SH3PXD2A: variants seen among roughly 807,000 people sequenced by gnomAD.
SH3PXD2A encodes the protein SH3 and PX domains 2A, also known as SH3 and PX domain-containing protein 2A.
SH3PXD2A carries 32 observed loss-of-function variants against 115.2 expected under a neutral mutation model. The observed-to-expected ratio is 0.28, with a 90% CI of 0.21 to 0.37. The LOEUF (loss-of-function observed/expected upper bound fraction) is 0.37. Ranked by LOEUF, SH3PXD2A falls within the 10% of genes least tolerant of loss-of-function variation. The pLI is 1.00. For missense variants in SH3PXD2A, 1,328 were observed against 1,498.7 expected (o/e 0.89, Z 1.88); for synonymous variants, 610 against 629.1 (o/e 0.97, Z 0.45).
At chr10:103,794,877 A>T (rs1297293552) in intron 2 of SH3PXD2A, among the ~76,000 whole-genome samples, 1 of 152,226 alleles carries the variant, frequency 6.6e-6, no homozygotes, top group African/African-American at 2.4e-5. Flanking sequence ...AAGTGTTTGG[A>T]ATAGCCGCTG....
At chr10:103,644,534 C>G (rs1354877281) in intron 8 of SH3PXD2A, among the ~76,000 whole-genome samples, 2 of 144,582 alleles carry the variant, frequency 1.4e-5, no homozygotes, top group African/African-American at 5.2e-5. Flanking sequence ...TGCAATGAGC[C>G]GTGATCATGC....
chr10:103,678,906 A>T (rs2037574221), intron 6 of SH3PXD2A, among the ~76,000 whole-genome samples: 1 of 152,200 alleles, frequency 6.6e-6, no homozygotes, highest in South Asian at 2.1e-4. Context: ...AAACTTCAAT[A>T]ATTTTATTGA....
At chr10:103,650,247 C>T (rs998319263) in intron 8 of SH3PXD2A, among the ~76,000 whole-genome samples, 3 of 152,118 alleles carry the variant, frequency 2.0e-5, no homozygotes, top group Non-Finnish European at 4.4e-5. Context: ...TGGCACCTGC[C>T]GCATCACTCC....
At chr10:103,674,573 G>A (rs1366339846) in intron 6 of SH3PXD2A, among the ~76,000 whole-genome samples, 2 of 152,226 alleles carry the variant, frequency 1.3e-5, no homozygotes, top group Non-Finnish European at 2.9e-5. Context: ...TGTAATCCTA[G>A]TGCTTTGGGA....
At chr10:103,667,410 A>G (rs1044813632) in intron 7 of SH3PXD2A, among the ~76,000 whole-genome samples, 5 of 152,070 alleles carry the variant, frequency 3.3e-5, no homozygotes, top group African/African-American at 1.2e-4. Context: ...CCTCCGCTAT[A>G]CGTTTGGTGA....
chr10:103,785,765 G>A (rs895567127), intron 2 of SH3PXD2A, among the ~76,000 whole-genome samples: 34 of 152,064 alleles, frequency 2.2e-4, no homozygotes, highest in African/African-American at 8.0e-4. Flanking sequence ...ATCCCAGCAG[G>A]AGACTCCCAT....
intron 1 of SH3PXD2A, among the ~76,000 whole-genome samples, chr10:103,825,611 A>G (rs533126569): frequency 1.3e-5 from 2 of 152,166 alleles, no homozygotes; most frequent in South Asian, 2.1e-4. Context: ...CATCCAAGTC[A>G]CTGACCAACA....
intron 4 of SH3PXD2A, among the ~76,000 whole-genome samples, chr10:103,725,863 TAAATA>T (rs1166979298): frequency 2.6e-5 from 4 of 151,298 alleles, no homozygotes; most frequent in African/African-American, 7.3e-5. Context: ...AAAATAAAAA[TAAATA>T]AAATAAAATA....
At chr10:103,671,347 GA>G (rs2037456060) in intron 6 of SH3PXD2A, among the ~76,000 whole-genome samples, 1 of 152,144 alleles carries the variant, frequency 6.6e-6, no homozygotes, top group Non-Finnish European at 1.5e-5. Flanking sequence ...TTTATAAAAC[GA>G]AAAGGGGGCC....
chr10:103,768,501 G>A (rs1256270442), intron 2 of SH3PXD2A, among the ~76,000 whole-genome samples: 2 of 152,212 alleles, frequency 1.3e-5, no homozygotes, highest in East Asian at 3.9e-4. Flanking sequence ...AGATCTGAGT[G>A]GCAGGATGGG....
At chr10:103,648,962 C>T (rs1295926904) in intron 8 of SH3PXD2A, among the ~76,000 whole-genome samples, 1 of 152,214 alleles carries the variant, frequency 6.6e-6, no homozygotes, top group Non-Finnish European at 1.5e-5. Flanking sequence ...AAAGCCCATT[C>T]CAAAGGTGTT....
chr10:103,633,388 C>G (rs2036811791), intron 8 of SH3PXD2A, among the ~76,000 whole-genome samples: 1 of 149,946 alleles, frequency 6.7e-6, no homozygotes, highest in Non-Finnish European at 1.5e-5. Context: ...TGCACTCCAG[C>G]CTGGGTGACA....
At chr10:103,631,195 T>A (rs1043885435) in intron 8 of SH3PXD2A, among the ~76,000 whole-genome samples, 2 of 151,936 alleles carry the variant, frequency 1.3e-5, no homozygotes, top group South Asian at 4.2e-4. Flanking sequence ...AGCCCAGGAG[T>A]TTAAGGCTGC....
intron 3 of SH3PXD2A, among the ~76,000 whole-genome samples, chr10:103,764,543 C>T (rs2038734400): frequency 1.3e-5 from 2 of 152,186 alleles, no homozygotes; most frequent in Non-Finnish European, 2.9e-5. Flanking sequence ...GAAGGTGTCT[C>T]CATGCTTGAC....
rs1214492648 is a variant in SH3PXD2A at position 103,668,671 on chromosome 10, C to T, written c.428-19G>A. 1 of 1,549,244 alleles carries T rather than the reference C, an allele frequency of 6.5e-7. No individual in the cohort carries two copies. On this transcript the variant is annotated intron_variant, in intron 6 of 14. Coordinates refer to ENST00000369774, the MANE Select transcript of SH3PXD2A (RefSeq NM_001394015.1). ...AGCCACACTTCCGAGTCCCCGAGAGCAAGCGGCAGCAGGAGAGGAGAACCA... is the reference window on the plus strand; with the variant it reads ...AGCCACACTTCCGAGTCCCCGAGAGTAAGCGGCAGCAGGAGAGGAGAACCA...
At chr10:103,719,721 C>CTTTTTTTTTTTTTTTTTTTTTTTTT (rs11438501) in intron 5 of SH3PXD2A, among the ~76,000 whole-genome samples, 1 of 114,720 alleles carries the variant, frequency 8.7e-6, no homozygotes, top group African/African-American at 3.5e-5. Context: ...TTTTTTCTTT[C>CTTTTTTTTTTTTTTTTTTTTTTTTT]TTTTTTTTTT....
chr10:103,737,978 C>G (rs1408002137), intron 3 of SH3PXD2A, among the ~76,000 whole-genome samples: 3 of 152,246 alleles, frequency 2.0e-5, no homozygotes, highest in Admixed American at 1.3e-4. Flanking sequence ...CAGCTCACCC[C>G]TCCTGTCTGC....
At chr10:103,681,778 A>T (rs976103684) in intron 6 of SH3PXD2A, among the ~76,000 whole-genome samples, 1 of 152,098 alleles carries the variant, frequency 6.6e-6, no homozygotes, top group African/African-American at 2.4e-5. Flanking sequence ...GCGCGCACAC[A>T]CACAAAATGC....
At chr10:103,742,956 T>TGA (rs1564878148) in intron 3 of SH3PXD2A, among the ~76,000 whole-genome samples, 13 of 151,680 alleles carry the variant, frequency 8.6e-5, no homozygotes, top group African/African-American at 3.2e-4. Flanking sequence ...CCTCCCCCCC[T>TGA]CAAGGGTGAC....
Sources: allele counts gnomAD v4.1 joint callset (sites outside exome capture counted in the v4.1 genomes callset), GRCh38; gene constraint gnomAD v4.1.1; transcripts MANE v1.5; gene names NCBI Gene and HGNC (gene_info 2026-07-23, HGNC 2026-07-21).